Variants in SGCG observed in about 807,000 individuals in gnomAD.
SGCG encodes sarcoglycan gamma.
In SGCG, 26 loss-of-function variants were observed where a neutral mutation model predicts 29.3. The ratio of observed to expected loss-of-function variants is 0.89; its 90% CI spans 0.65 to 1.23. The LOEUF (loss-of-function observed/expected upper bound fraction) is 1.23, where lower values mean the gene tolerates loss of function less well. Among genes scored for constraint, SGCG ranks in the 50% most tolerant of loss-of-function variants. The pLI is 0.00. For missense variants in SGCG, 353 were observed against 356.0 expected, an observed-to-expected ratio of 0.99 and a Z score of 0.07; for synonymous variants, 145 against 129.7, an observed-to-expected ratio of 1.12 and a Z score of -0.80.
rs1876859039 is a variant in SGCG, at chr13:23,183,959, C to CA, written c.-1+2884_-1+2885insA. Reference sequence around the variant, plus strand: ...GGGATTACAGGCATGAGCCACCATGCCCAGCCTACATAAAATACTCTAAAA... The same window carrying CA: ...GGGATTACAGGCATGAGCCACCATGCACCAGCCTACATAAAATACTCTAAAA... On this transcript the variant is annotated intron_variant, in intron 1 of 7. Transcript: ENST00000218867. Among the ~76,000 whole-genome samples, 27 of 152,228 alleles carry CA rather than the reference C, an allele frequency of 1.8e-4. 2 individuals are homozygous for CA. Among genetic ancestry groups the CA allele is most frequent in the Admixed American group, 1.6e-3 (25 of 15,290 alleles).
At position 23,279,411 on chromosome 13, in the gene SGCG, C is replaced by T. The variant is rs144497243; in HGVS notation, c.438C>T (p.Asp146=). 133 of 1,613,144 alleles carry T rather than the reference C, an allele frequency of 8.2e-5. No individual in the cohort carries two copies. Among genetic ancestry groups the T allele is most frequent in the Admixed American group, 3.5e-4 (21 of 60,020 alleles). ...QNQQFQINSN[D]GKPLFTVDEK... Reference sequence around the variant, plus strand: ...AACAGTTTCAGATCAACTCCAACGACGGCAAGCCACTATTTACTGTAGATG... The same window carrying T: ...AACAGTTTCAGATCAACTCCAACGATGGCAAGCCACTATTTACTGTAGATG... The change falls in exon 5 of 8, where the codon GAC becomes GAT. Residue 146 remains aspartate, a synonymous_variant. Transcript: ENST00000218867.
intron 7 of SGCG, among the ~76,000 whole-genome samples, chr13:23,323,343 A>G (rs963155748): frequency 5.3e-5 from 8 of 152,224 alleles, no homozygotes; most frequent in African/African-American, 9.6e-5. Flanking sequence ...GCTGCCTGCA[A>G]TGCTGTGGGG....
chr13:23,283,806 C>T (rs770487585), intron 5 of SGCG, among the ~76,000 whole-genome samples: 4 of 152,156 alleles, frequency 2.6e-5, no homozygotes, highest in South Asian at 2.1e-4. Flanking sequence ...GTAAGGCAGG[C>T]CTGGTGGTGA....
intron 6 of SGCG, among the ~76,000 whole-genome samples, chr13:23,297,106 A>AT (rs778089574): frequency 1.6e-4 from 25 of 152,014 alleles, no homozygotes; most frequent in Non-Finnish European, 2.6e-4. Context: ...TTTCCAGACT[A>AT]TTTTTTCTCA....
chr13:23,226,403 C>T (rs1878899459), intron 2 of SGCG, among the ~76,000 whole-genome samples: 1 of 151,080 alleles, frequency 6.6e-6, no homozygotes, highest in Admixed American at 6.6e-5. Flanking sequence ...TGTATTATAA[C>T]TGTATAATAT....
chr13:23,288,191 A>G (rs1018669018), intron 5 of SGCG, among the ~76,000 whole-genome samples: 8 of 152,200 alleles, frequency 5.3e-5, no homozygotes, highest in African/African-American at 1.9e-4. Flanking sequence ...CAGGTCAGCA[A>G]ACGCAACAGT....
In SGCG at chr13:23,247,664, G is replaced by A. The variant is rs552842396; in HGVS notation, c.298-2966G>A. The stretch of plus-strand genomic sequence containing the variant: ...AATTCTATTTAAAAATTTAAAAATC[G>A]GTCGGGCATGGTGGCTCACACCTGT... On this transcript the variant is annotated intron_variant, in intron 3 of 7. Transcript: ENST00000218867. 5.3e-5 allele frequency among the ~76,000 whole-genome samples: 8 copies of A among 151,968 alleles called. No homozygotes were observed. In the South Asian group the frequency reaches 6.2e-4, roughly 12 times the overall value.
chr13:23,191,602 G>T (rs1877255809), intron 1 of SGCG, among the ~76,000 whole-genome samples: 1 of 152,160 alleles, frequency 6.6e-6, no homozygotes, highest in Admixed American at 6.5e-5. Flanking sequence ...TGGCAGAGTT[G>T]ATCATCATAA....
chr13:23,249,923 T>A (rs1402808551), intron 3 of SGCG, among the ~76,000 whole-genome samples: 4 of 152,128 alleles, frequency 2.6e-5, no homozygotes, highest in Admixed American at 6.5e-5. Flanking sequence ...AAAGTAAAAA[T>A]TTTTTTGTTT....
At chr13:23,256,707 C>G (rs536690611) in intron 4 of SGCG, among the ~76,000 whole-genome samples, 1 of 152,318 alleles carries the variant, frequency 6.6e-6, no homozygotes, top group African/African-American at 2.4e-5. Context: ...AGGACATGAA[C>G]TCATCCTTTT....
chr13:23,207,433 G>A (rs1426550431), intron 2 of SGCG, among the ~76,000 whole-genome samples: 2 of 152,026 alleles, frequency 1.3e-5, no homozygotes, highest in Admixed American at 1.3e-4. Flanking sequence ...AATATCAAAA[G>A]CACAGGCAAC....
chr13:23,210,132 C>G (rs1396108269), intron 2 of SGCG, among the ~76,000 whole-genome samples: 1 of 152,088 alleles, frequency 6.6e-6, no homozygotes, highest in Non-Finnish European at 1.5e-5. Context: ...AACATTTAGC[C>G]TAATCTAATC....
intron 2 of SGCG, among the ~76,000 whole-genome samples, chr13:23,215,612 G>A (rs7323141): frequency 0.061 from 9,295 of 152,014 alleles, 401 homozygotes; most frequent in Middle Eastern, 0.15. Flanking sequence ...ATCCTTTGGC[G>A]AAAGTTATTC....
chr13:23,289,566 G>A (rs1246301564), intron 5 of SGCG, among the ~76,000 whole-genome samples: 1 of 152,092 alleles, frequency 6.6e-6, no homozygotes, highest in Non-Finnish European at 1.5e-5. Context: ...AATTTCTTTT[G>A]TATGTGGCGT....
At chr13:23,248,029 C>T (rs569055552) in intron 3 of SGCG, among the ~76,000 whole-genome samples, 1,708 of 139,096 alleles carry the variant, frequency 0.012, 28 homozygotes, top group African/African-American at 0.04. Context: ...AATCCCAGCA[C>T]TTTGGAAGGC....
At chr13:23,208,731 A>G (rs1268544409) in intron 2 of SGCG, among the ~76,000 whole-genome samples, 4 of 152,166 alleles carry the variant, frequency 2.6e-5, no homozygotes, top group African/African-American at 4.8e-5. Context: ...AGATTCTAAA[A>G]TATTCCGTTA....
chr13:23,277,810 C>T (rs1566027853), intron 4 of SGCG, among the ~76,000 whole-genome samples: 3 of 151,426 alleles, frequency 2.0e-5, no homozygotes, highest in South Asian at 4.2e-4. Flanking sequence ...GCCATTCTCC[C>T]GCCTCAGCCT....
intron 6 of SGCG, among the ~76,000 whole-genome samples, chr13:23,303,417 T>C (rs1882244512): frequency 6.6e-6 from 1 of 152,164 alleles, no homozygotes; most frequent in East Asian, 1.9e-4. Flanking sequence ...CAGAAACTAA[T>C]GAGGTGAGCC....
chr13:23,272,232 A>C (rs1880899511), intron 4 of SGCG, among the ~76,000 whole-genome samples: 1 of 152,190 alleles, frequency 6.6e-6, no homozygotes, highest in African/African-American at 2.4e-5. Context: ...CCTTGTTTCC[A>C]ATCTTAGTGG....
Sources: gnomAD v4.1 joint callset for allele counts (sites outside exome capture counted in the v4.1 genomes callset) on GRCh38, gnomAD v4.1.1 for gene constraint, MANE v1.5 for transcripts, NCBI Gene and HGNC (gene_info 2026-07-23, HGNC 2026-07-21) for gene names.